Variants in XIRP2 observed in about 807,000 individuals in gnomAD.
XIRP2 encodes xin actin-binding repeat-containing protein 2.
XIRP2 carries 236 observed loss-of-function variants against 277.0 expected under a neutral mutation model. The observed-to-expected ratio is 0.85, with a 90% CI of 0.77 to 0.95. The LOEUF (loss-of-function observed/expected upper bound fraction) is 0.95. XIRP2 is among the 40% of genes least tolerant of loss of function. The pLI, the probability that XIRP2 is intolerant of heterozygous loss-of-function variation, is 0.00. For missense variants in XIRP2, 4,640 were observed against 4,157.5 expected (o/e 1.12, Z -3.19); for synonymous variants, 1,490 against 1,416.5 (o/e 1.05, Z -1.17).
chr2:167,228,401 G>A (rs954135256), intron 5 of XIRP2, among the ~76,000 whole-genome samples: 25 of 152,106 alleles, frequency 1.6e-4, no homozygotes, highest in Admixed American at 1.6e-3. Context: ...AACATGGTAG[G>A]CCATTCCAGT....
At chr2:167,022,496 C>T (rs528919496) in intron 2 of XIRP2, among the ~76,000 whole-genome samples, 137 of 152,058 alleles carry the variant, frequency 9.0e-4, no homozygotes, top group Admixed American at 4.2e-3. Flanking sequence ...ATGTGCACAA[C>T]GTGCAGGTTA....
rs1317717482 is a variant in XIRP2, at chr2:167,048,356, A to G, written c.409-87553A>G. Among the ~76,000 whole-genome samples, 4 of 151,978 alleles carry G rather than the reference A, an allele frequency of 2.6e-5. No individual in the cohort carries two copies. In the South Asian group the frequency reaches 6.2e-4, roughly 24 times the overall value. On this transcript the variant is annotated intron_variant, in intron 2 of 10. Coordinates refer to ENST00000409195, the MANE Select transcript of XIRP2 (RefSeq NM_152381.6). ...CAGTTTATGTGTGGTTCTGTTCTTG[A>G]ATTTCCCTTTGATTATAGAGATCAC...
At chr2:167,103,422 C>A (rs1558981301) in intron 2 of XIRP2, among the ~76,000 whole-genome samples, 2 of 152,122 alleles carry the variant, frequency 1.3e-5, no homozygotes, top group Non-Finnish European at 2.9e-5. Context: ...GCTCTTGTTG[C>A]TGCTCTTTGG....
Position 167,243,354 on chromosome 2 carries a change from T to C in XIRP2, c.1962T>C (p.Ala654=). 1 of 1,613,988 alleles carries C rather than the reference T, an allele frequency of 6.2e-7. No homozygotes were observed. Among genetic ancestry groups the C allele is most frequent in the Non-Finnish European group, 8.5e-7 (1 of 1,179,974 alleles). The change falls in exon 9 of 11, where the codon GCT becomes GCC. Residue 654 remains alanine, a synonymous_variant. Coordinates refer to ENST00000409195, the MANE Select transcript of XIRP2 (RefSeq NM_152381.6). ...PELARGDVCT[A]RWMFETRPLD... is the part of the protein sequence containing the mutation. ...TAGCCAGAGGAGATGTCTGCACAGC[T>C]CGGTGGATGTTTGAAACAAGGCCAT...
At chr2:167,158,966 G>T (rs1025434892) in intron 3 of XIRP2, among the ~76,000 whole-genome samples, 2 of 152,098 alleles carry the variant, frequency 1.3e-5, no homozygotes, top group African/African-American at 4.8e-5. Context: ...CACTACCTCT[G>T]GGGGGTAGGA....
chr2:166,935,114 T>C (rs969722746), intron 2 of XIRP2, among the ~76,000 whole-genome samples: 2 of 152,144 alleles, frequency 1.3e-5, no homozygotes, highest in Non-Finnish European at 2.9e-5. Context: ...CTATTATAAT[T>C]GGGTACATTG....
chr2:167,201,984 A>G (rs979139905), intron 3 of XIRP2, among the ~76,000 whole-genome samples: 1 of 152,216 alleles, frequency 6.6e-6, no homozygotes, highest in Non-Finnish European at 1.5e-5. Context: ...TAAAATGGGA[A>G]TAAACCACCC....
Position 167,243,677 on chromosome 2 carries a change from T to C in XIRP2, c.2285T>C (p.Val762Ala). 1 of 1,613,878 alleles carries C rather than the reference T, an allele frequency of 6.2e-7. No individual in the cohort carries two copies. The highest frequency in any genetic ancestry group is 8.5e-7 in the Non-Finnish European group (1 of 1,179,940). ...LEIKTVHREDVEKGDVRTARW... is the reference protein window; with the variant it reads ...LEIKTVHREDAEKGDVRTARW... Reference sequence around the variant, plus strand: ...ATTAAAACTGTTCACAGAGAAGACGTTGAAAAGGGAGATGTAAGAACAGCA... The same window carrying C: ...ATTAAAACTGTTCACAGAGAAGACGCTGAAAAGGGAGATGTAAGAACAGCA... Residue 762 changes from valine to alanine, a missense_variant, in exon 9 of 11, where the codon GTT (valine) becomes GCT (alanine). By Grantham distance (64) the Val-to-Ala change is moderately conservative. Transcript: ENST00000409195.
intron 3 of XIRP2, among the ~76,000 whole-genome samples, chr2:167,140,515 T>C (rs1691683592): frequency 6.6e-6 from 1 of 152,190 alleles, no homozygotes; most frequent in African/African-American, 2.4e-5. Flanking sequence ...CTGCCTGAAC[T>C]GTCCCCTCTA....
intron 3 of XIRP2, among the ~76,000 whole-genome samples, chr2:167,182,939 C>T (rs997783590): frequency 5.3e-5 from 8 of 152,116 alleles, no homozygotes; most frequent in Non-Finnish European, 1.2e-4. Flanking sequence ...ATAGTCTTCA[C>T]CTAGCAAATG....
At position 167,015,512 on chromosome 2, in the gene XIRP2, A is replaced by G. The variant is rs186021724; in HGVS notation, c.408+111622A>G. 6.5e-4 allele frequency among the ~76,000 whole-genome samples: 98 copies of G among 151,684 alleles called. No individual in the cohort carries two copies. In the East Asian group the frequency reaches 0.014, roughly 21 times the overall value. On this transcript the variant is annotated intron_variant, in intron 2 of 10. Transcript: ENST00000409195. Reference sequence around the variant, plus strand: ...GGGATGTAGGTTTCCTTTCATGCCTATTTTACAGATGAAGGAATTGAGTTT... The same window carrying G: ...GGGATGTAGGTTTCCTTTCATGCCTGTTTTACAGATGAAGGAATTGAGTTT...
intron 3 of XIRP2, among the ~76,000 whole-genome samples, chr2:167,153,445 A>C (rs1425070178): frequency 6.6e-6 from 1 of 151,838 alleles, no homozygotes; most frequent in Non-Finnish European, 1.5e-5. Context: ...TTTAGGGTAC[A>C]TGTGCACAAT....
At chr2:167,151,053 T>C (rs1238101549) in intron 3 of XIRP2, among the ~76,000 whole-genome samples, 1 of 152,008 alleles carries the variant, frequency 6.6e-6, no homozygotes, top group Admixed American at 6.6e-5. Context: ...TGTTTTGAGA[T>C]TTAGCTCAAT....
chr2:167,202,984 C>G (rs555926832), intron 3 of XIRP2, among the ~76,000 whole-genome samples: 1 of 152,252 alleles, frequency 6.6e-6, no homozygotes, highest in South Asian at 2.1e-4. Flanking sequence ...AATATTCAAT[C>G]TCTTTTCTCT....
rs187396362 is a variant in XIRP2, at chr2:166,890,674, G to T, written c.-19+2117G>T. 7.8e-4 allele frequency among the ~76,000 whole-genome samples: 118 copies of T among 152,218 alleles called. 1 individual carries two copies. Among genetic ancestry groups the T allele is most frequent in the Admixed American group, 7.5e-3 (114 of 15,286 alleles). ...TATTACAGATGTATTCTGTATGTGG[G>T]TGTAGCAGAAGCTGATATGACAGAT... On this transcript the variant is annotated intron_variant, in intron 1 of 10. Transcript: ENST00000409195.
chr2:167,247,532 C>A lies in XIRP2; in HGVS notation c.6140C>A (p.Ser2047Tyr). ...CTGGAGAAAAGCCTTAGAAGACTATCTAATTCACACCATAAATCTAATGTT... is the reference window on the plus strand; with the variant it reads ...CTGGAGAAAAGCCTTAGAAGACTATATAATTCACACCATAAATCTAATGTT... ...DALEKSLRRLSNSHHKSNVLE... is the reference protein window; with the variant it reads ...DALEKSLRRLYNSHHKSNVLE... The change falls in exon 9 of 11, where the codon TCT (serine) becomes TAT (tyrosine). Residue 2047 changes from serine (S) to tyrosine (Y), a missense_variant. Physicochemically the swap from Ser to Tyr is moderately radical, Grantham distance 144 (BLOSUM62 -2). Coordinates refer to ENST00000409195, the MANE Select transcript of XIRP2 (RefSeq NM_152381.6). The A allele has an allele frequency of 6.2e-7, 1 of 1,613,700 alleles. No individual in the cohort carries two copies. Among genetic ancestry groups the A allele is most frequent in the Non-Finnish European group, 8.5e-7 (1 of 1,179,766 alleles).
chr2:166,987,941 G>A (rs946720506), intron 2 of XIRP2, among the ~76,000 whole-genome samples: 2 of 152,154 alleles, frequency 1.3e-5, no homozygotes, highest in African/African-American at 4.8e-5. Context: ...CTTCCATAAA[G>A]TACAATTCCA....
At chr2:167,109,271 TCTTCTCCTTCTC>T (rs369248055) in intron 2 of XIRP2, among the ~76,000 whole-genome samples, 56 of 152,178 alleles carry the variant, frequency 3.7e-4, no homozygotes, top group African/African-American at 1.1e-3. Context: ...CACCACATTT[TCTTCTCCTTCTC>T]CTTCTCCTTC....
rs552071889 is a variant in XIRP2, at chr2:167,246,536, G to A, written c.5144G>A (p.Arg1715His). Residue 1715 changes from arginine (R) to histidine (H), a missense_variant, in exon 9 of 11, where the codon CGT (arginine) becomes CAT (histidine). Coordinates refer to ENST00000409195, the MANE Select transcript of XIRP2 (RefSeq NM_152381.6). ...GAAGTAATAGGTGGTGATGTCAAAC[G>A]TACCATTCATAATTTATTGTCTTCC... ...REEVIGGDVK[R>H]TIHNLLSSTS... is the part of the protein sequence containing the mutation. The A allele has an allele frequency of 4.6e-5, 75 of 1,613,650 alleles. No individual in the cohort carries two copies. In the Admixed American group the frequency reaches 4.7e-4, roughly 10 times the overall value.
Sources: allele counts gnomAD v4.1 joint callset (sites outside exome capture counted in the v4.1 genomes callset), GRCh38; gene constraint gnomAD v4.1.1; transcripts MANE v1.5; gene names NCBI Gene and HGNC (gene_info 2026-07-23, HGNC 2026-07-21).